Variants in CHN1 observed in about 807,000 individuals in gnomAD.
The protein encoded by CHN1 is N-chimaerin.
A neutral mutation model predicts 59.5 loss-of-function variants in CHN1; 37 were observed. The ratio of observed to expected loss-of-function variants is 0.62; its 90% confidence interval spans 0.48 to 0.82. The LOEUF is 0.82. Among genes scored for constraint, CHN1 ranks in the 40% least tolerant of loss-of-function variants. The pLI is 0.00. For synonymous variants in CHN1, 206 were observed against 200.4 expected (o/e 1.03, Z -0.24); for missense variants, 469 against 571.0 (o/e 0.82, Z 1.82).
intron 1 of CHN1, among the ~76,000 whole-genome samples, chr2:174,952,716 T>C (rs1477708928): frequency 6.6e-6 from 1 of 152,144 alleles, no homozygotes; most frequent in Admixed American, 6.5e-5. Context: ...CAGATCTCAG[T>C]CCTCACACAT....
chr2:174,847,690 G>A, intron 6 of CHN1: 1 of 1,255,362 alleles, frequency 8.0e-7, no homozygotes, highest in Non-Finnish European at 1.0e-6. Context: ...TCAAGCAACA[G>A]TATTTAAGTA....
intron 5 of CHN1, among the ~76,000 whole-genome samples, chr2:174,884,668 C>A (rs910958916): frequency 6.6e-6 from 1 of 152,122 alleles, no homozygotes; most frequent in African/African-American, 2.4e-5. Context: ...CATCTGGCAG[C>A]AACATCCATA....
intron 5 of CHN1, among the ~76,000 whole-genome samples, chr2:174,883,006 A>C (rs1687780984): frequency 6.6e-6 from 1 of 152,224 alleles, no homozygotes; most frequent in African/African-American, 2.4e-5. Flanking sequence ...TGGATTATGG[A>C]GAAAAGTATT....
intron 1 of CHN1, among the ~76,000 whole-genome samples, chr2:175,000,677 C>G: frequency 6.6e-6 from 1 of 152,276 alleles, no homozygotes; most frequent in African/African-American, 2.4e-5. Context: ...CTCCTGACCT[C>G]AAATGATCCA....
At chr2:174,972,020 C>T (rs1690774575) in intron 1 of CHN1, among the ~76,000 whole-genome samples, 1 of 152,110 alleles carries the variant, frequency 6.6e-6, no homozygotes, top group African/African-American at 2.4e-5. Context: ...CCACAAGGGC[C>T]CGACAACTAT....
chr2:174,922,682 A>C (rs1190793613), intron 3 of CHN1, among the ~76,000 whole-genome samples: 1 of 152,112 alleles, frequency 6.6e-6, no homozygotes, highest in Non-Finnish European at 1.5e-5. Flanking sequence ...ACAGAGTAAG[A>C]CCCTGTCATT....
intron 3 of CHN1, among the ~76,000 whole-genome samples, chr2:174,931,043 T>C (rs62184791): frequency 2.0e-5 from 3 of 151,848 alleles, no homozygotes; most frequent in South Asian, 2.1e-4. Flanking sequence ...GCTGGGATTA[T>C]AGGCATGAGC....
chr2:174,875,562 A>G (rs1195011396), intron 6 of CHN1, among the ~76,000 whole-genome samples: 3 of 152,232 alleles, frequency 2.0e-5, no homozygotes, highest in Admixed American at 2.0e-4. Flanking sequence ...CCAAAGTGAC[A>G]TATAAAATTC....
At chr2:174,874,057 T>C (rs1687486386) in intron 6 of CHN1, among the ~76,000 whole-genome samples, 1 of 152,220 alleles carries the variant, frequency 6.6e-6, no homozygotes, top group South Asian at 2.1e-4. Context: ...AAATGCAAAT[T>C]ATATCATTTG....
intron 6 of CHN1, among the ~76,000 whole-genome samples, chr2:174,850,727 A>G (rs1461416187): frequency 6.6e-6 from 1 of 152,180 alleles, no homozygotes; most frequent in Non-Finnish European, 1.5e-5. Flanking sequence ...TCTCTACCCA[A>G]TTACCCATAC....
At chr2:174,947,454 G>A (rs1259797250) in intron 2 of CHN1, among the ~76,000 whole-genome samples, 1 of 150,220 alleles carries the variant, frequency 6.7e-6, no homozygotes, top group East Asian at 1.9e-4. Context: ...GTTACTAACA[G>A]TTAATCTATC....
At chr2:174,884,346 T>A (rs1430646282) in intron 5 of CHN1, among the ~76,000 whole-genome samples, 1 of 151,626 alleles carries the variant, frequency 6.6e-6, no homozygotes, top group Non-Finnish European at 1.5e-5. Flanking sequence ...ACTCAAAAAA[T>A]TTTATTATAA....
intron 1 of CHN1, among the ~76,000 whole-genome samples, chr2:174,986,440 T>C (rs1281499514): frequency 6.6e-5 from 10 of 152,194 alleles, no homozygotes; most frequent in Admixed American, 6.5e-4. Context: ...AGAGTTAAGA[T>C]ACATAGTATG....
intron 1 of CHN1, among the ~76,000 whole-genome samples, chr2:174,975,349 T>A (rs1293478157): frequency 1.3e-5 from 2 of 152,116 alleles, no homozygotes; most frequent in Admixed American, 1.3e-4. Flanking sequence ...GTACAAGAAA[T>A]CAGTATTCTT....
At chr2:174,996,530 G>A (rs1204322020) in intron 1 of CHN1, among the ~76,000 whole-genome samples, 1 of 152,156 alleles carries the variant, frequency 6.6e-6, no homozygotes, top group Non-Finnish European at 1.5e-5. Context: ...AACAGCCCCT[G>A]ATTACCTGTA....
At chr2:174,829,671 G>A (rs1329586782) in intron 7 of CHN1, among the ~76,000 whole-genome samples, 1 of 152,204 alleles carries the variant, frequency 6.6e-6, no homozygotes, top group Non-Finnish European at 1.5e-5. Context: ...AAGCCACGTT[G>A]GAGATGATAT....
chr2:174,949,122 G>C (rs927565764), intron 2 of CHN1, among the ~76,000 whole-genome samples: 25 of 152,244 alleles, frequency 1.6e-4, no homozygotes, highest in African/African-American at 5.1e-4. Flanking sequence ...ATTCCTAAGA[G>C]ATGAAGTCCT....
chr2:174,849,386 C>T (rs1418441450), intron 6 of CHN1, among the ~76,000 whole-genome samples: 1 of 152,098 alleles, frequency 6.6e-6, no homozygotes, highest in Non-Finnish European at 1.5e-5. Flanking sequence ...TGAGCAGCTA[C>T]CTAGGGCAGT....
At chr2:174,980,893 G>T (rs1691127372) in intron 1 of CHN1, among the ~76,000 whole-genome samples, 2 of 152,158 alleles carry the variant, frequency 1.3e-5, no homozygotes, top group South Asian at 2.1e-4. Context: ...CAACTAAACA[G>T]AAAATATGAC....
Sources: allele counts gnomAD v4.1 joint callset (sites outside exome capture counted in the v4.1 genomes callset), GRCh38; gene constraint gnomAD v4.1.1; transcripts MANE v1.5; gene names NCBI Gene and HGNC (gene_info 2026-07-23, HGNC 2026-07-21).